The following PSMB7 variants were observed in gnomAD, a reference collection of about 807,000 sequenced individuals.
The protein encoded by PSMB7 is proteasome subunit beta type-7.
PSMB7 carries 5 observed loss-of-function variants against 28.1 expected under a neutral mutation model. The observed-to-expected ratio is 0.18, with a 90% CI of 0.09 to 0.37. PSMB7 has a LOEUF of 0.37. PSMB7 is among the 10% of genes least tolerant of loss of function. The probability of loss-of-function intolerance (pLI) is 1.00; values close to 1 mark genes in which losing one functional copy is unlikely to be tolerated. For synonymous variants in PSMB7, 122 were observed against 123.7 expected (o/e 0.99, Z 0.09); for missense variants, 275 against 346.2 (o/e 0.79, Z 1.63).
intron 4 of PSMB7, among the ~76,000 whole-genome samples, chr9:124,411,886 GTTAATA>G (rs1831030755): frequency 6.7e-6 from 1 of 149,560 alleles, no homozygotes; most frequent in Admixed American, 6.8e-5. Flanking sequence ...ATAAAGGTTG[GTTAATA>G]TTAATATTAT....
At chr9:124,369,913 C>T (rs868087827) in intron 6 of PSMB7, among the ~76,000 whole-genome samples, 4 of 152,190 alleles carry the variant, frequency 2.6e-5, no homozygotes, top group Admixed American at 6.5e-5. Flanking sequence ...GTACCGTTCT[C>T]GACTTTTCAT....
In PSMB7 at chr9:124,379,177, A is replaced by C. The variant is rs565786123; in HGVS notation, c.570+5421T>G. ...AAAATAAAGCACGAGATTTATCACC[A>C]GTAAGTAATACAATTTTTATACCTT... is the stretch of plus-strand genomic sequence containing the variant. On this transcript the variant is annotated intron_variant, in intron 6 of 7. Transcript: ENST00000259457. Among the ~76,000 whole-genome samples, 41 of 130,440 alleles carry C rather than the reference A, an allele frequency of 3.1e-4. 5 individuals are homozygous for C. In the South Asian group the frequency reaches 3.5e-3, roughly 11 times the overall value. The allele number at this position is 130,440 out of a possible 152,430, so 85.6% of individuals were successfully genotyped here.
intron 6 of PSMB7, among the ~76,000 whole-genome samples, chr9:124,363,909 G>T (rs1200752281): frequency 6.6e-6 from 1 of 152,140 alleles, no homozygotes; most frequent in African/African-American, 2.4e-5. Context: ...GCCACAATGG[G>T]CTGGAAAAGG....
rs768157422 is a variant in PSMB7 at position 124,414,832 on chromosome 9, C to T, written c.156+10G>A. ...TCAGTCACTGCTGCTCTTAGCCTAA[C>T]CCGGCTTACCTTATAGACCACCCCA... On this transcript the variant is annotated intron_variant, in intron 2 of 7. Transcript: ENST00000259457. 5 of 1,611,622 alleles carry T rather than the reference C, an allele frequency of 3.1e-6. No individual in the cohort carries two copies. In the African/African-American group the frequency reaches 5.3e-5, roughly 17 times the overall value.
intron 6 of PSMB7, among the ~76,000 whole-genome samples, chr9:124,381,147 G>A (rs753135411): frequency 5.9e-5 from 9 of 152,184 alleles, no homozygotes; most frequent in Non-Finnish European, 8.8e-5. Context: ...TAAGGTTAGC[G>A]CTGGACAGTG....
At chr9:124,377,115 T>TA (rs1216520882) in intron 6 of PSMB7, among the ~76,000 whole-genome samples, 1 of 152,132 alleles carries the variant, frequency 6.6e-6, no homozygotes, top group Non-Finnish European at 1.5e-5. Context: ...ACTAAAAAAA[T>TA]AAAACCAGCT....
intron 5 of PSMB7, among the ~76,000 whole-genome samples, chr9:124,396,305 AAATAC>A (rs1830842791): frequency 2.6e-5 from 2 of 75,860 alleles, no homozygotes; most frequent in Non-Finnish European, 8.9e-5. Context: ...TTTAGCATAA[AAATAC>A]AGAAAAGGTT....
chr9:124,374,448 A>G (rs1212703192), intron 6 of PSMB7, among the ~76,000 whole-genome samples: 2 of 152,252 alleles, frequency 1.3e-5, no homozygotes, highest in East Asian at 3.8e-4. Context: ...CCACACTTTT[A>G]GAACAGTAGA....
At chr9:124,375,737 A>G (rs188811153) in intron 6 of PSMB7, among the ~76,000 whole-genome samples, 2 of 152,278 alleles carry the variant, frequency 1.3e-5, no homozygotes, top group East Asian at 3.9e-4. Flanking sequence ...TTAATTTTGC[A>G]TTTACTTAAA....
chr9:124,365,932 G>C (rs976507631), intron 6 of PSMB7, among the ~76,000 whole-genome samples: 1 of 152,066 alleles, frequency 6.6e-6, no homozygotes, highest in Non-Finnish European at 1.5e-5. Context: ...GAGAGAGAAA[G>C]GAGAGAAAGA....
intron 6 of PSMB7, among the ~76,000 whole-genome samples, chr9:124,363,830 G>A (rs1055422556): frequency 6.6e-6 from 1 of 152,244 alleles, no homozygotes; most frequent in East Asian, 1.9e-4. Flanking sequence ...TGCCAGCCAG[G>A]TCTGTCCTAG....
At chr9:124,408,597 A>G (rs1358972013) in intron 4 of PSMB7, among the ~76,000 whole-genome samples, 4 of 152,194 alleles carry the variant, frequency 2.6e-5, no homozygotes, top group African/African-American at 9.7e-5. Context: ...AAGAGTACAC[A>G]CAAACATTTT....
intron 5 of PSMB7, among the ~76,000 whole-genome samples, chr9:124,389,047 G>A (rs1193522650): frequency 4.6e-5 from 7 of 152,216 alleles, no homozygotes; most frequent in Non-Finnish European, 8.8e-5. Context: ...AAAACTCTAA[G>A]CTGCCCCTGA....
intron 6 of PSMB7, among the ~76,000 whole-genome samples, chr9:124,371,928 C>T (rs952350127): frequency 1.3e-5 from 2 of 152,124 alleles, no homozygotes; most frequent in African/African-American, 2.4e-5. Flanking sequence ...CAACATACTT[C>T]GTGAAATATT....
chr9:124,367,910 T>C (rs1038602822), intron 6 of PSMB7, among the ~76,000 whole-genome samples: 2 of 152,238 alleles, frequency 1.3e-5, no homozygotes, highest in Non-Finnish European at 2.9e-5. Flanking sequence ...ACCAATGTGA[T>C]AGGCAACTGA....
rs569228792 is a variant in PSMB7, at chr9:124,368,641, C to A, written c.571-11726G>T. On this transcript the variant is annotated intron_variant, in intron 6 of 7. Transcript: ENST00000259457. ...ATCAAAAAGATATCATTTAATTTTCCCATCTGGCCATTTGTTGATTGTAAA... is the reference window on the plus strand; with the variant it reads ...ATCAAAAAGATATCATTTAATTTTCACATCTGGCCATTTGTTGATTGTAAA... Among the ~76,000 whole-genome samples the A allele has an allele frequency of 3.8e-4, 58 of 152,308 alleles. 1 individual carries two copies. In the South Asian group the frequency reaches 0.011, roughly 30 times the overall value.
chr9:124,386,124 C>T (rs1830716171), intron 5 of PSMB7, among the ~76,000 whole-genome samples: 1 of 150,936 alleles, frequency 6.6e-6, no homozygotes, highest in South Asian at 2.1e-4. Context: ...CGATTTTCCC[C>T]TCCTCACAAT....
chr9:124,384,750 C>T, intron 5 of PSMB7, 94 bp from the exon 6 acceptor site: 2 of 1,073,900 alleles, frequency 1.9e-6, no homozygotes, highest in South Asian at 1.3e-5. Context: ...GCAAAACATG[C>T]CCAGTGTCTC....
At chr9:124,360,165 A>G (rs1245584675) in intron 6 of PSMB7, among the ~76,000 whole-genome samples, 2 of 152,230 alleles carry the variant, frequency 1.3e-5, no homozygotes, top group East Asian at 1.9e-4. Context: ...GGAATTTCAC[A>G]ATTAAACAAC....
Sources: allele counts gnomAD v4.1 joint callset (sites outside exome capture counted in the v4.1 genomes callset), GRCh38; gene constraint gnomAD v4.1.1; transcripts MANE v1.5; gene names NCBI Gene and HGNC (gene_info 2026-07-23, HGNC 2026-07-21).